Variants in NRP1 observed in about 807,000 individuals in gnomAD.
NRP1 encodes the protein neuropilin 1, also known as neuropilin-1.
A neutral mutation model predicts 106.7 loss-of-function variants in NRP1; 35 were observed. That is an observed-to-expected ratio of 0.33 (90% CI 0.25 to 0.43). The LOEUF is 0.43. Among genes scored for constraint, NRP1 ranks in the 20% least tolerant of loss-of-function variants. The pLI, the probability that NRP1 is intolerant of heterozygous loss-of-function variation, is 1.00. For missense variants in NRP1, 1,024 were observed against 1,170.4 expected (o/e 0.87, Z 1.83); for synonymous variants, 437 against 417.9 (o/e 1.05, Z -0.56).
chr10:33,189,480 T>A (rs1836261383), intron 13 of NRP1, among the ~76,000 whole-genome samples: 1 of 152,198 alleles, frequency 6.6e-6, no homozygotes, highest in Non-Finnish European at 1.5e-5. Context: ...TGTGGTTGCT[T>A]CCCAACCATG....
chr10:33,244,316 G>T (rs137915857), intron 6 of NRP1, among the ~76,000 whole-genome samples: 104 of 152,260 alleles, frequency 6.8e-4, no homozygotes, highest in African/African-American at 2.3e-3. Context: ...TGTAGCCATT[G>T]CTCCTAAATG....
intron 2 of NRP1, among the ~76,000 whole-genome samples, chr10:33,301,226 C>T (rs1394840393): frequency 6.6e-6 from 1 of 152,212 alleles, no homozygotes; most frequent in Non-Finnish European, 1.5e-5. Context: ...GAGGGCTTGA[C>T]AGCCTGTTCG....
chr10:33,299,596 T>C (rs535254587), intron 2 of NRP1, among the ~76,000 whole-genome samples: 2 of 152,230 alleles, frequency 1.3e-5, no homozygotes, highest in African/African-American at 2.4e-5. Context: ...CTGGGCAACA[T>C]AGTGAGACCC....
chr10:33,263,898 T>G (rs953478985), intron 3 of NRP1, 25 bp from the exon 4 acceptor site: 1 of 1,469,152 alleles, frequency 6.8e-7, no homozygotes, highest in African/African-American at 1.4e-5. Flanking sequence ...GAAAAAGGAG[T>G]AAAGTGAAAA....
intron 12 of NRP1, among the ~76,000 whole-genome samples, chr10:33,193,359 G>A (rs1327436331): frequency 6.6e-6 from 1 of 152,158 alleles, no homozygotes; most frequent in Non-Finnish European, 1.5e-5. Context: ...AAGTATGACT[G>A]TTGTTTTGGT....
At chr10:33,297,869 G>T (rs1209619051) in intron 2 of NRP1, among the ~76,000 whole-genome samples, 1 of 151,856 alleles carries the variant, frequency 6.6e-6, no homozygotes, top group Non-Finnish European at 1.5e-5. Flanking sequence ...TTAGATGGGG[G>T]TATGGTCTCC....
chr10:33,275,339 TG>T (rs1370776281), intron 2 of NRP1, among the ~76,000 whole-genome samples: 2 of 152,168 alleles, frequency 1.3e-5, no homozygotes, highest in East Asian at 3.9e-4. Flanking sequence ...AAGGCGGAGG[TG>T]GGTGGATCAC....
At chr10:33,200,241 G>A (rs962879739) in intron 11 of NRP1, among the ~76,000 whole-genome samples, 1 of 152,170 alleles carries the variant, frequency 6.6e-6, no homozygotes, top group Admixed American at 6.5e-5. Flanking sequence ...CAAATTCCAC[G>A]GTTGGGTACA....
chr10:33,300,297 T>A (rs1845712222), intron 2 of NRP1, among the ~76,000 whole-genome samples: 1 of 152,192 alleles, frequency 6.6e-6, no homozygotes, highest in Admixed American at 6.5e-5. Flanking sequence ...AGTGTCCACC[T>A]GGAAGGAGAA....
At chr10:33,305,864 G>A (rs777056157) in intron 2 of NRP1, among the ~76,000 whole-genome samples, 4 of 152,104 alleles carry the variant, frequency 2.6e-5, no homozygotes, top group South Asian at 2.1e-4. Flanking sequence ...CGCCTCCTGG[G>A]TTCAAGAGAT....
At chr10:33,245,812 G>C (rs909908689) in intron 6 of NRP1, among the ~76,000 whole-genome samples, 1 of 152,114 alleles carries the variant, frequency 6.6e-6, no homozygotes, top group Non-Finnish European at 1.5e-5. Flanking sequence ...TTCTTCTCTA[G>C]ACCATAACTA....
intron 6 of NRP1, among the ~76,000 whole-genome samples, chr10:33,244,893 G>A (rs906421574): frequency 6.6e-6 from 1 of 152,096 alleles, no homozygotes; most frequent in African/African-American, 2.4e-5. Context: ...ATTTTATCCT[G>A]TGCTTCCTTT....
At chr10:33,198,911 A>G (rs2132670478) in intron 11 of NRP1, among the ~76,000 whole-genome samples, 1 of 152,258 alleles carries the variant, frequency 6.6e-6, no homozygotes, top group East Asian at 1.9e-4. Flanking sequence ...GGAAGACTGA[A>G]CAAATAACAC....
At chr10:33,333,405 G>A (rs967933495) in intron 1 of NRP1, among the ~76,000 whole-genome samples, 3 of 151,958 alleles carry the variant, frequency 2.0e-5, no homozygotes, top group African/African-American at 2.4e-5. Context: ...CTCCACTTGC[G>A]GTCTCTTATT....
At chr10:33,220,820 G>C (rs1839173786) in intron 8 of NRP1, among the ~76,000 whole-genome samples, 1 of 144,252 alleles carries the variant, frequency 6.9e-6, no homozygotes, top group Non-Finnish European at 1.5e-5. Flanking sequence ...AGAATCGCTG[G>C]AACCTGGGAG....
At position 33,179,396 on chromosome 10, in the gene NRP1, C is replaced by T. The variant is rs185654123; in HGVS notation, c.*680G>A. The T allele has an allele frequency of 6.5e-6, 1 of 152,712 alleles. No homozygotes were observed. The highest frequency in any genetic ancestry group is 2.4e-5 in the African/African-American group (1 of 41,436). 9.5% of individuals were successfully genotyped at this position (152,712 alleles called of 1,614,324 possible). A position where few individuals can be genotyped will look rare whatever the true frequency, so the allele number is the denominator to read the frequency against. ...TGTTGTTGCGGTTGTCAGCAGTATACCCAGTGGCCAGCCGTGTTCAGGGAT... is the reference window on the plus strand; with the variant it reads ...TGTTGTTGCGGTTGTCAGCAGTATATCCAGTGGCCAGCCGTGTTCAGGGAT... On this transcript the variant is annotated 3_prime_UTR_variant, in exon 17 of 17. Transcript: ENST00000374867.
At chr10:33,264,189 C>G (rs1240913562) in intron 3 of NRP1, among the ~76,000 whole-genome samples, 1 of 152,114 alleles carries the variant, frequency 6.6e-6, no homozygotes, top group African/African-American at 2.4e-5. Flanking sequence ...TCAACAGAGC[C>G]CTAGAGAAAT....
intron 8 of NRP1, among the ~76,000 whole-genome samples, chr10:33,216,306 T>C (rs1482612563): frequency 2.0e-5 from 3 of 151,668 alleles, no homozygotes; most frequent in Non-Finnish European, 4.4e-5. Context: ...CCCGGCTTAT[T>C]TTTTGTATTT....
chr10:33,285,648 G>A (rs1304758142), intron 2 of NRP1, among the ~76,000 whole-genome samples: 1 of 151,974 alleles, frequency 6.6e-6, no homozygotes, highest in Admixed American at 6.6e-5. Context: ...TGGCCAACAT[G>A]GTGAAACCGC....
Sources: allele counts gnomAD v4.1 joint callset (sites outside exome capture counted in the v4.1 genomes callset), GRCh38; gene constraint gnomAD v4.1.1; transcripts MANE v1.5; gene names NCBI Gene and HGNC (gene_info 2026-07-23, HGNC 2026-07-21).